SGIP1: variants seen among roughly 807,000 people sequenced by gnomAD.
SGIP1 encodes the protein SH3GL interacting endocytic adaptor 1.
A neutral mutation model predicts 107.5 loss-of-function variants in SGIP1; 38 were observed. The ratio of observed to expected loss-of-function variants is 0.35; its 90% CI spans 0.27 to 0.46. The LOEUF (loss-of-function observed/expected upper bound fraction) is 0.46, where lower values mean the gene tolerates loss of function less well. Ranked by LOEUF, SGIP1 falls within the 20% of genes least tolerant of loss-of-function variation. The probability of loss-of-function intolerance (pLI) is 1.00; values close to 1 mark genes in which losing one functional copy is unlikely to be tolerated. For missense variants in SGIP1, 929 were observed against 1,019.5 expected (o/e 0.91, Z 1.21); for synonymous variants, 365 against 366.1 (o/e 1.00, Z 0.03).
At chr1:66,692,330 G>C (rs79622398) in intron 17 of SGIP1, among the ~76,000 whole-genome samples, 3,127 of 152,046 alleles carry the variant, frequency 0.021, 100 homozygotes, top group African/African-American at 0.071. Flanking sequence ...AAAAAAAATA[G>C]CCACATAAGA....
At chr1:66,549,513 G>A (rs2057064949) in intron 1 of SGIP1, among the ~76,000 whole-genome samples, 1 of 152,168 alleles carries the variant, frequency 6.6e-6, no homozygotes, top group African/African-American at 2.4e-5. Flanking sequence ...GTAAGTCAAA[G>A]TGGCAAGCAT....
intron 1 of SGIP1, among the ~76,000 whole-genome samples, chr1:66,599,224 T>C (rs564274051): frequency 6.6e-6 from 1 of 152,332 alleles, no homozygotes; most frequent in Non-Finnish European, 1.5e-5. Flanking sequence ...ATGAAAATAT[T>C]ACTTAAACAT....
intron 1 of SGIP1, among the ~76,000 whole-genome samples, chr1:66,572,518 T>TTGCTCCCAGGCTGTTTAGC (rs1230219053): frequency 1.3e-5 from 2 of 152,176 alleles, no homozygotes; most frequent in South Asian, 4.1e-4. Flanking sequence ...CTTATGGAGG[T>TTGCTCCCAGGCTGTTTAGC]TGCTCCCAGG....
At chr1:66,660,211 GAAAGAGAAA>G (rs2081149169) in intron 7 of SGIP1, 1 of 211,324 alleles carries the variant, frequency 4.7e-6, no homozygotes, top group Non-Finnish European at 7.7e-6. Context: ...AAGAAAGAAA[GAAAGAGAAA>G]GAAAGAAAGA....
At chr1:66,706,465 T>TAAATATTTTA (rs1350791043) in intron 18 of SGIP1, among the ~76,000 whole-genome samples, 54 of 146,470 alleles carry the variant, frequency 3.7e-4, no homozygotes, top group Non-Finnish European at 7.1e-4. Context: ...TAATATAAAT[T>TAAATATTTTA]ATAAATATTT....
chr1:66,736,214 ATTT>A, intron 21 of SGIP1, among the ~76,000 whole-genome samples: 1 of 145,696 alleles, frequency 6.9e-6, no homozygotes, highest in East Asian at 2.0e-4. Flanking sequence ...AAATATAAAT[ATTT>A]ATACAAATAT....
intron 7 of SGIP1, among the ~76,000 whole-genome samples, chr1:66,652,379 G>A (rs1200344368): frequency 6.6e-6 from 1 of 152,190 alleles, no homozygotes; most frequent in Non-Finnish European, 1.5e-5. Flanking sequence ...CAAGGGCTGA[G>A]AGAAATGATG....
At chr1:66,565,579 G>A (rs2059531917) in intron 1 of SGIP1, among the ~76,000 whole-genome samples, 1 of 151,954 alleles carries the variant, frequency 6.6e-6, no homozygotes, top group Non-Finnish European at 1.5e-5. Flanking sequence ...AGAGAGGTAT[G>A]AGCAGAAAGT....
intron 2 of SGIP1, among the ~76,000 whole-genome samples, chr1:66,632,532 C>T (rs193259092): frequency 1.3e-5 from 2 of 152,252 alleles, no homozygotes; most frequent in Non-Finnish European, 2.9e-5. Context: ...CCCAGCTTCT[C>T]GGGAGGCTGG....
At chr1:66,611,204 T>G (rs2067925768) in intron 1 of SGIP1, among the ~76,000 whole-genome samples, 1 of 152,248 alleles carries the variant, frequency 6.6e-6, no homozygotes, top group African/African-American at 2.4e-5. Flanking sequence ...AGTTTCTGAA[T>G]GCATGATTTA....
chr1:66,720,183 T>C (rs950524526), intron 19 of SGIP1, among the ~76,000 whole-genome samples: 21 of 152,184 alleles, frequency 1.4e-4, no homozygotes, highest in African/African-American at 5.1e-4. Context: ...GTGTGCATTA[T>C]TCTATAAAAA....
intron 1 of SGIP1, among the ~76,000 whole-genome samples, chr1:66,545,519 C>T (rs905946647): frequency 3.3e-5 from 5 of 152,120 alleles, no homozygotes; most frequent in East Asian, 3.9e-4. Context: ...GTGGATGTGA[C>T]GATAACAGTC....
intron 3 of SGIP1, among the ~76,000 whole-genome samples, chr1:66,634,421 A>G (rs12740141): frequency 0.38 from 57,913 of 151,518 alleles, 12,112 homozygotes; most frequent in East Asian, 0.78. Flanking sequence ...AGCAGCACCA[A>G]CTTAAATCTC....
At chr1:66,695,276 A>C in intron 17 of SGIP1, 158 bp from the exon 18 acceptor site, 1 of 1,325,020 alleles carries the variant, frequency 7.5e-7, no homozygotes, top group Non-Finnish European at 9.9e-7. Context: ...AAAAAAGTGT[A>C]GATTGCCAGC....
intron 18 of SGIP1, among the ~76,000 whole-genome samples, chr1:66,711,784 C>A (rs980409987): frequency 2.0e-5 from 3 of 152,114 alleles, no homozygotes; most frequent in African/African-American, 7.2e-5. Flanking sequence ...TCCTGCTGCC[C>A]ATGCTTCAGA....
At chr1:66,600,661 T>C (rs1357122252) in intron 1 of SGIP1, among the ~76,000 whole-genome samples, 1 of 152,172 alleles carries the variant, frequency 6.6e-6, no homozygotes. Context: ...TGGTTGAATG[T>C]TACTGGACTA....
intron 1 of SGIP1, among the ~76,000 whole-genome samples, chr1:66,566,627 C>T (rs889766237): frequency 1.3e-5 from 2 of 151,910 alleles, no homozygotes. Flanking sequence ...AACATGATAG[C>T]TATGAAAATA....
At chr1:66,719,110 GC>G (rs574410671) in intron 18 of SGIP1, among the ~76,000 whole-genome samples, 183 bp from the exon 19 acceptor site, 146 of 152,208 alleles carry the variant, frequency 9.6e-4, no homozygotes, top group African/African-American at 3.3e-3. Context: ...CTGTAAACCA[GC>G]CAAATATTTC....
chr1:66,724,785 C>T (rs2093684202), intron 19 of SGIP1, among the ~76,000 whole-genome samples: 1 of 152,162 alleles, frequency 6.6e-6, no homozygotes, highest in African/African-American at 2.4e-5. Context: ...ACCAAGACAC[C>T]ATTTAGATCT....
Sources: gnomAD v4.1 joint callset for allele counts (sites outside exome capture counted in the v4.1 genomes callset) on GRCh38, gnomAD v4.1.1 for gene constraint, MANE v1.5 for transcripts, NCBI Gene and HGNC (gene_info 2026-07-23, HGNC 2026-07-21) for gene names.